Variants in MKLN1 observed in about 807,000 individuals in gnomAD.
The protein encoded by MKLN1 is muskelin.
In MKLN1, 18 loss-of-function variants were observed where a neutral mutation model predicts 99.0. That is an observed-to-expected ratio of 0.18 (90% CI 0.13 to 0.27). The LOEUF is 0.27. MKLN1 is among the 10% of genes least tolerant of loss of function. MKLN1 has a pLI of 1.00. For synonymous variants in MKLN1, 288 were observed against 293.2 expected (o/e 0.98, Z 0.18); for missense variants, 621 against 875.9 (o/e 0.71, Z 3.67).
chr7:131,316,562 G>A (rs539087404), intron 3 of MKLN1, among the ~76,000 whole-genome samples: 19 of 152,204 alleles, frequency 1.2e-4, no homozygotes, highest in East Asian at 5.8e-4. Context: ...CCAAATGATC[G>A]CAACTCCTCT....
intron 2 of MKLN1, among the ~76,000 whole-genome samples, chr7:131,178,381 C>T (rs1340105475): frequency 6.7e-6 from 1 of 149,442 alleles, no homozygotes; most frequent in Non-Finnish European, 1.5e-5. Flanking sequence ...AGGTGATCCA[C>T]CTGCCTCGGC....
In MKLN1 at chr7:131,206,946, T is replaced by A. The variant is rs569051555; in HGVS notation, c.-179+3972T>A. Among the ~76,000 whole-genome samples, 21 of 152,274 alleles carry A rather than the reference T, an allele frequency of 1.4e-4. 1 individual carries two copies. Among genetic ancestry groups the A allele is most frequent in the African/African-American group, 5.1e-4 (21 of 41,564 alleles). The stretch of plus-strand genomic sequence containing the variant: ...ATGTTGCCAAGGCTGATTTGGGACA[T>A]GTGTTTTTAAGGGTCTATGGACGTC... On this transcript the variant is annotated intron_variant, in intron 3 of 7. Transcript: ENST00000416992.
chr7:131,230,858 C>T (rs534724228), intron 3 of MKLN1, among the ~76,000 whole-genome samples: 2 of 152,062 alleles, frequency 1.3e-5, no homozygotes, highest in South Asian at 4.1e-4. Context: ...CAGTGGCTCA[C>T]ACCTGTAATC....
intron 1 of MKLN1, among the ~76,000 whole-genome samples, chr7:131,134,829 A>T (rs561861207): frequency 6.0e-4 from 92 of 152,292 alleles, no homozygotes; most frequent in Non-Finnish European, 1.0e-3. Context: ...TAATTTTTTA[A>T]AATATGAATG....
At chr7:131,319,048 C>G (rs544023234) in intron 3 of MKLN1, among the ~76,000 whole-genome samples, 1 of 152,182 alleles carries the variant, frequency 6.6e-6, no homozygotes, top group Non-Finnish European at 1.5e-5. Flanking sequence ...CCTTCTGAAA[C>G]TATTCCAAAC....
At chr7:131,380,140 C>A (rs917588331) in intron 2 of MKLN1, among the ~76,000 whole-genome samples, 1 of 152,098 alleles carries the variant, frequency 6.6e-6, no homozygotes, top group African/African-American at 2.4e-5. Flanking sequence ...GGAGTGAAGT[C>A]CAGTTTCATA....
At chr7:131,352,068 C>T (rs1245910864) in intron 1 of MKLN1, among the ~76,000 whole-genome samples, 1 of 152,254 alleles carries the variant, frequency 6.6e-6, no homozygotes, top group Non-Finnish European at 1.5e-5. Context: ...TAGTTTTCAG[C>T]ATAGTGAGTT....
At chr7:131,416,440 C>G (rs1466079187) in intron 8 of MKLN1, among the ~76,000 whole-genome samples, 1 of 151,392 alleles carries the variant, frequency 6.6e-6, no homozygotes, top group Non-Finnish European at 1.5e-5. Context: ...GTGAGCAAGT[C>G]ATTGAGAATT....
rs535843572 is a variant in MKLN1 at position 131,445,965 on chromosome 7, T to A, written c.1525+62T>A. ...ACTACTTTAGGTAGAAAACTGCAGT[T>A]CATTCTCTTTTCTTTCTAATCATTT... On this transcript the variant is annotated intron_variant, in intron 12 of 17. Coordinates refer to ENST00000352689, the MANE Select transcript of MKLN1 (RefSeq NM_013255.5). 8.4e-5 allele frequency: 93 copies of A among 1,112,796 alleles called. 1 individual carries two copies. Among genetic ancestry groups the A allele is most frequent in the Middle Eastern group, 2.1e-4 (1 of 4,690 alleles). The allele number at this position is 1,112,796 out of a possible 1,614,324, so 68.9% of individuals were successfully genotyped here. A position where few individuals can be genotyped will look rare whatever the true frequency, so the allele number is the denominator to read the frequency against.
At chr7:131,483,136 T>G (rs955754589) in intron 17 of MKLN1, among the ~76,000 whole-genome samples, 1 of 152,242 alleles carries the variant, frequency 6.6e-6, no homozygotes, top group Non-Finnish European at 1.5e-5. Flanking sequence ...ACATAGTGAT[T>G]AGGAGCATGA....
chr7:131,387,218 C>T lies in MKLN1; in HGVS notation c.267C>T (p.Val89=). The T allele has an allele frequency of 6.2e-7, 1 of 1,612,126 alleles. No homozygotes were observed. Among genetic ancestry groups the T allele is most frequent in the Non-Finnish European group, 8.5e-7 (1 of 1,179,144 alleles). ...THVCNLKKFK[V]FGGMNEENMT... ...TTTGCAATTTGAAGAAATTTAAAGT[C>T]TTTGGTGGAATGAATGAAGAAAATA... is the stretch of plus-strand genomic sequence containing the variant. Residue 89 remains valine, a synonymous_variant, in exon 3 of 18, where the codon GTC becomes GTT. Transcript: ENST00000352689.
chr7:131,110,861 AT>A (rs1795185131), intron 1 of MKLN1, among the ~76,000 whole-genome samples: 1 of 152,176 alleles, frequency 6.6e-6, no homozygotes, highest in Non-Finnish European at 1.5e-5. Flanking sequence ...TTCTCTCCTC[AT>A]CTTCAGAGCC....
intron 6 of MKLN1, among the ~76,000 whole-genome samples, chr7:131,407,829 A>G (rs1369867784): frequency 6.6e-6 from 1 of 151,612 alleles, no homozygotes; most frequent in Non-Finnish European, 1.5e-5. Context: ...ATCTTCTTTC[A>G]TTATATTCTC....
At chr7:131,227,374 T>C (rs1441577087) in intron 3 of MKLN1, among the ~76,000 whole-genome samples, 1 of 149,944 alleles carries the variant, frequency 6.7e-6, no homozygotes, top group African/African-American at 2.5e-5. Context: ...TTCTTTCTTT[T>C]TCTTTCTTTT....
intron 10 of MKLN1, among the ~76,000 whole-genome samples, chr7:131,440,740 T>C (rs1409951181): frequency 6.6e-6 from 1 of 152,028 alleles, no homozygotes; most frequent in Non-Finnish European, 1.5e-5. Flanking sequence ...CTGGAGACTT[T>C]AAAGAAGAAA....
In MKLN1 at chr7:131,282,137, T is replaced by G. The variant is rs923275234; in HGVS notation, c.-179+79163T>G. Reference sequence around the variant, plus strand: ...GGCCAAGGCGGGTGGATTACCTGAGTTTGGGAGTTTGAGACCAGCCTGACC... The same window carrying G: ...GGCCAAGGCGGGTGGATTACCTGAGGTTGGGAGTTTGAGACCAGCCTGACC... On this transcript the variant is annotated intron_variant, in intron 3 of 7. Transcript: ENST00000416992. Among the ~76,000 whole-genome samples the G allele has an allele frequency of 2.2e-3, 326 of 150,450 alleles. 1 individual carries two copies. The highest frequency in any genetic ancestry group is 4.0e-3 in the Admixed American group (60 of 15,162).
rs2116714750 is a variant in MKLN1, at chr7:131,488,245, A to G, written c.*517A>G. On this transcript the variant is annotated 3_prime_UTR_variant, in exon 18 of 18. Transcript: ENST00000352689. ...TCTTTACTTCATTCTTAACAAGTGTATAGTTCTCTAGGACAGTTGATGTAT... is the reference window on the plus strand; with the variant it reads ...TCTTTACTTCATTCTTAACAAGTGTGTAGTTCTCTAGGACAGTTGATGTAT... 1 of 152,150 alleles carries G rather than the reference A, an allele frequency of 6.6e-6. No individual in the cohort carries two copies. The highest frequency in any genetic ancestry group is 1.5e-5 in the Non-Finnish European group (1 of 68,024). 9.4% of individuals were successfully genotyped at this position (152,150 alleles called of 1,614,324 possible). A position where few individuals can be genotyped will look rare whatever the true frequency, so the allele number is the denominator to read the frequency against.
At chr7:131,258,885 A>G (rs1358604555) in intron 3 of MKLN1, among the ~76,000 whole-genome samples, 1 of 152,206 alleles carries the variant, frequency 6.6e-6, no homozygotes, top group Non-Finnish European at 1.5e-5. Context: ...GAAATGATTT[A>G]CAGGGTGCCT....
intron 4 of MKLN1, among the ~76,000 whole-genome samples, chr7:131,396,174 G>A (rs1794353841): frequency 6.6e-6 from 1 of 152,160 alleles, no homozygotes; most frequent in East Asian, 1.9e-4. Context: ...CTGGGTTCAA[G>A]TGATTCTCTT....
Sources: allele counts gnomAD v4.1 joint callset (sites outside exome capture counted in the v4.1 genomes callset), GRCh38; gene constraint gnomAD v4.1.1; transcripts MANE v1.5; gene names NCBI Gene and HGNC (gene_info 2026-07-23, HGNC 2026-07-21).